The following ZNF385D variants were observed in gnomAD, a reference collection of about 807,000 sequenced individuals.
ZNF385D encodes zinc finger protein 659.
ZNF385D carries 15 observed loss-of-function variants against 35.8 expected under a neutral mutation model. That is an observed-to-expected ratio of 0.42 (90% CI 0.28 to 0.64). The LOEUF (loss-of-function observed/expected upper bound fraction) is 0.64. Among genes scored for constraint, ZNF385D ranks in the 30% least tolerant of loss-of-function variants. The pLI is 0.23. For synonymous variants in ZNF385D, 212 were observed against 186.8 expected, an observed-to-expected ratio of 1.13 and a Z score of -1.10; for missense variants, 474 against 494.6, an observed-to-expected ratio of 0.96 and a Z score of 0.39.
chr3:22,046,063 A>G (rs377025448), intron 3 of ZNF385D, among the ~76,000 whole-genome samples: 1 of 150,516 alleles, frequency 6.6e-6, no homozygotes, highest in African/African-American at 2.4e-5. Flanking sequence ...TGGCAGATTC[A>G]GCTGGGAGGA....
At chr3:22,090,998 C>T (rs1367814664) in intron 3 of ZNF385D, among the ~76,000 whole-genome samples, 2 of 152,100 alleles carry the variant, frequency 1.3e-5, no homozygotes, top group Non-Finnish European at 2.9e-5. Context: ...CAAGACCATG[C>T]TAATATATAC....
intron 2 of ZNF385D, among the ~76,000 whole-genome samples, chr3:22,217,753 C>T (rs908711978): frequency 6.6e-6 from 1 of 152,086 alleles, no homozygotes; most frequent in Non-Finnish European, 1.5e-5. Flanking sequence ...ACAATGAAAG[C>T]ACAGCAGAGA....
At chr3:21,724,818 C>G (rs2068692792) in intron 1 of ZNF385D, among the ~76,000 whole-genome samples, 1 of 151,886 alleles carries the variant, frequency 6.6e-6, no homozygotes, top group Non-Finnish European at 1.5e-5. Context: ...GAACTCAGCT[C>G]TGGACCAAGC....
At chr3:21,865,972 A>G (rs1338810220) in intron 3 of ZNF385D, among the ~76,000 whole-genome samples, 1 of 152,066 alleles carries the variant, frequency 6.6e-6, no homozygotes, top group Non-Finnish European at 1.5e-5. Flanking sequence ...GTGACTGAAC[A>G]TTATCTTAGG....
intron 3 of ZNF385D, among the ~76,000 whole-genome samples, chr3:21,872,216 C>T (rs1034706086): frequency 7.2e-5 from 11 of 151,978 alleles, no homozygotes; most frequent in South Asian, 2.1e-4. Context: ...TATTGATGCT[C>T]GAGTAATATA....
intron 3 of ZNF385D, among the ~76,000 whole-genome samples, chr3:21,521,591 T>TA (rs1304885851): frequency 1.5e-5 from 2 of 136,346 alleles, no homozygotes; most frequent in Non-Finnish European, 2.9e-5. Flanking sequence ...CCAACTCTGC[T>TA]AAAAAATTTT....
intron 2 of ZNF385D, among the ~76,000 whole-genome samples, chr3:22,368,865 G>C (rs1030069663): frequency 1.3e-5 from 2 of 152,066 alleles, no homozygotes; most frequent in South Asian, 2.1e-4. Context: ...GCTTTACCAG[G>C]CTCTAAAAAA....
intron 2 of ZNF385D, among the ~76,000 whole-genome samples, chr3:22,303,723 CAAT>C (rs1559508562): frequency 1.3e-5 from 2 of 152,046 alleles, no homozygotes; most frequent in Non-Finnish European, 2.9e-5. Flanking sequence ...CATATGCTCT[CAAT>C]AATTTTATTT....
At chr3:22,122,919 A>G (rs1476723570) in intron 3 of ZNF385D, among the ~76,000 whole-genome samples, 2 of 152,210 alleles carry the variant, frequency 1.3e-5, no homozygotes, top group Non-Finnish European at 2.9e-5. Context: ...AGTGACTGGA[A>G]AAGGAGCAAG....
chr3:22,331,057 T>C (rs140367895), intron 2 of ZNF385D, among the ~76,000 whole-genome samples: 158 of 152,362 alleles, frequency 1.0e-3, no homozygotes, highest in African/African-American at 3.7e-3. Flanking sequence ...TATCATTGCT[T>C]TGTGTTTGCA....
intron 2 of ZNF385D, among the ~76,000 whole-genome samples, chr3:22,216,050 A>G (rs142388518): frequency 2.3e-4 from 35 of 152,122 alleles, no homozygotes; most frequent in African/African-American, 7.9e-4. Flanking sequence ...CTGTGTTCCC[A>G]GGCAAAATAT....
intron 3 of ZNF385D, among the ~76,000 whole-genome samples, chr3:21,994,615 C>T (rs543750074): frequency 2.6e-5 from 4 of 152,182 alleles, no homozygotes; most frequent in African/African-American, 7.2e-5. Context: ...CTTTTTCATG[C>T]TTCTTATGTC....
At chr3:21,725,468 C>A (rs1240282240) in intron 1 of ZNF385D, among the ~76,000 whole-genome samples, 1 of 151,964 alleles carries the variant, frequency 6.6e-6, no homozygotes, top group Non-Finnish European at 1.5e-5. Context: ...AGAGAAGAAT[C>A]AAATAGATGC....
rs11920833 is a variant in ZNF385D, at chr3:22,221,990, T to G, written c.107-52955A>C. On this transcript the variant is annotated intron_variant, in intron 2 of 5. Coordinates refer to the ZNF385D transcript ENST00000494108. ...AGATTTCATTAACCATTCCGATTTT[T>G]TTTTTTAAGACAGTCTCATTCCATC... Among the ~76,000 whole-genome samples, 737 of 152,240 alleles carry G rather than the reference T, an allele frequency of 4.8e-3. 10 individuals are homozygous for G. The highest frequency in any genetic ancestry group is 0.017 in the African/African-American group (690 of 41,534).
chr3:21,791,342 C>T (rs1042799628), intron 3 of ZNF385D, among the ~76,000 whole-genome samples: 2 of 152,110 alleles, frequency 1.3e-5, no homozygotes, highest in African/African-American at 4.8e-5. Flanking sequence ...AAGAAACAAA[C>T]ATAAAATATG....
intron 3 of ZNF385D, among the ~76,000 whole-genome samples, chr3:21,536,784 G>A (rs1415011233): frequency 6.6e-6 from 1 of 152,004 alleles, no homozygotes; most frequent in East Asian, 1.9e-4. Context: ...GGGGATGATG[G>A]GGTCTGAATC....
intron 2 of ZNF385D, among the ~76,000 whole-genome samples, chr3:22,196,665 C>T (rs759680808): frequency 8.5e-5 from 13 of 152,110 alleles, no homozygotes; most frequent in African/African-American, 2.9e-4. Context: ...ATTCCAGAAC[C>T]TTTCAACACT....
intron 4 of ZNF385D, among the ~76,000 whole-genome samples, chr3:21,462,474 A>G (rs13340158): frequency 0.035 from 5,264 of 152,292 alleles, 318 homozygotes; most frequent in African/African-American, 0.12. Context: ...GTAGGCAGGT[A>G]GGTAAATACC....
intron 1 of ZNF385D, among the ~76,000 whole-genome samples, chr3:21,728,907 T>A (rs996193089): frequency 6.6e-6 from 1 of 152,310 alleles, no homozygotes; most frequent in East Asian, 1.9e-4. Flanking sequence ...AAAATGTAAA[T>A]TATTTGAGCA....
Sources: allele counts gnomAD v4.1 joint callset (sites outside exome capture counted in the v4.1 genomes callset), GRCh38; gene constraint gnomAD v4.1.1; transcripts MANE v1.5; gene names NCBI Gene and HGNC (gene_info 2026-07-23, HGNC 2026-07-21).